FRMD5: variants seen among roughly 807,000 people sequenced by gnomAD.
FRMD5 encodes the protein FERM domain containing 5.
Under a neutral mutation model 69.0 loss-of-function variants are expected in FRMD5, and 20 were observed. The observed-to-expected ratio is 0.29, with a 90% confidence interval of 0.20 to 0.42. The LOEUF (loss-of-function observed/expected upper bound fraction) is 0.42. Among genes scored for constraint, FRMD5 ranks in the 10% least tolerant of loss-of-function variants. The pLI, the probability that FRMD5 is intolerant of heterozygous loss-of-function variation, is 1.00. For synonymous variants in FRMD5, 271 were observed against 260.1 expected (o/e 1.04, Z -0.40); for missense variants, 595 against 708.6 (o/e 0.84, Z 1.82).
chr15:43,991,155 G>C (rs537810534), intron 1 of FRMD5, among the ~76,000 whole-genome samples: 1 of 152,178 alleles, frequency 6.6e-6, no homozygotes, highest in African/African-American at 2.4e-5. Context: ...AAGATGCTGT[G>C]ATTTTTATCA....
chr15:43,935,623 G>C (rs934438049), intron 1 of FRMD5, among the ~76,000 whole-genome samples: 1 of 152,156 alleles, frequency 6.6e-6, no homozygotes, highest in Non-Finnish European at 1.5e-5. Context: ...GTGATAGAGA[G>C]AGCAAACAGA....
intron 1 of FRMD5, among the ~76,000 whole-genome samples, chr15:44,114,948 A>G (rs1279308329): frequency 6.6e-6 from 1 of 152,200 alleles, no homozygotes; most frequent in Non-Finnish European, 1.5e-5. Flanking sequence ...ATGTGGACCC[A>G]AAGTTGTTAA....
At chr15:43,957,574 C>G (rs2090134868) in intron 1 of FRMD5, among the ~76,000 whole-genome samples, 1 of 152,232 alleles carries the variant, frequency 6.6e-6, no homozygotes, top group South Asian at 2.1e-4. Flanking sequence ...AATTTCTAAT[C>G]TTTGGTTCTC....
intron 4 of FRMD5, 41 bp from the exon 5 acceptor site, chr15:43,910,020 G>A: frequency 8.6e-7 from 1 of 1,169,566 alleles, no homozygotes; most frequent in Non-Finnish European, 1.3e-6. Context: ...GGATTTCTTT[G>A]ATTGCTTTAA....
At chr15:44,142,470 A>G (rs2077288214) in intron 1 of FRMD5, among the ~76,000 whole-genome samples, 1 of 152,186 alleles carries the variant, frequency 6.6e-6, no homozygotes, top group Non-Finnish European at 1.5e-5. Flanking sequence ...GTAAATTCTG[A>G]AAAATTAGCA....
intron 1 of FRMD5, among the ~76,000 whole-genome samples, chr15:44,086,575 C>A (rs980344816): frequency 2.0e-5 from 3 of 152,122 alleles, no homozygotes; most frequent in Admixed American, 6.6e-5. Context: ...ATAGGAGTGA[C>A]TGCTAAGTGG....
intron 1 of FRMD5, among the ~76,000 whole-genome samples, chr15:44,156,125 T>C (rs946399970): frequency 3.3e-5 from 5 of 151,880 alleles, no homozygotes; most frequent in African/African-American, 1.2e-4. Flanking sequence ...ACTTGCCCAA[T>C]AGTGAAAAAT....
At chr15:43,897,265 A>T (rs2088932329) in intron 7 of FRMD5, among the ~76,000 whole-genome samples, 1 of 152,030 alleles carries the variant, frequency 6.6e-6, no homozygotes, top group South Asian at 2.1e-4. Flanking sequence ...AGGCGGGCAG[A>T]TCACCTGAGG....
At chr15:44,164,925 G>C (rs1271813437) in intron 1 of FRMD5, among the ~76,000 whole-genome samples, 1 of 152,220 alleles carries the variant, frequency 6.6e-6, no homozygotes, top group Non-Finnish European at 1.5e-5. Flanking sequence ...AGTAGAGCAA[G>C]CTGGAGCATC....
intron 1 of FRMD5, among the ~76,000 whole-genome samples, chr15:44,104,463 C>T (rs1269795623): frequency 6.6e-6 from 1 of 152,212 alleles, no homozygotes; most frequent in Non-Finnish European, 1.5e-5. Flanking sequence ...ATTCACCACT[C>T]ACTCACTGAT....
intron 1 of FRMD5, among the ~76,000 whole-genome samples, chr15:44,114,356 C>T (rs2076840351): frequency 1.3e-5 from 2 of 152,186 alleles, no homozygotes; most frequent in South Asian, 4.1e-4. Context: ...AAATCTCCTT[C>T]AAAACTACTG....
At chr15:44,143,745 G>A (rs1297461730) in intron 1 of FRMD5, among the ~76,000 whole-genome samples, 3 of 151,216 alleles carry the variant, frequency 2.0e-5, no homozygotes, top group Non-Finnish European at 4.4e-5. Flanking sequence ...CTAACGCGGT[G>A]AAACCCCGTC....
chr15:44,045,014 C>T (rs752571373), intron 1 of FRMD5, among the ~76,000 whole-genome samples: 1 of 152,204 alleles, frequency 6.6e-6, no homozygotes, highest in Non-Finnish European at 1.5e-5. Context: ...TATACATCCT[C>T]TGAGTTCCCC....
chr15:43,997,069 G>C (rs1230941920), intron 1 of FRMD5, among the ~76,000 whole-genome samples: 14 of 152,126 alleles, frequency 9.2e-5, no homozygotes, highest in Non-Finnish European at 5.9e-5. Flanking sequence ...CTCTAGTCAT[G>C]ATGAGAAGAA....
intron 1 of FRMD5, among the ~76,000 whole-genome samples, chr15:44,081,704 T>C (rs987569873): frequency 2.0e-5 from 3 of 152,084 alleles, no homozygotes; most frequent in African/African-American, 7.2e-5. Flanking sequence ...AATTCTGAAC[T>C]GACATTTTGT....
chr15:44,055,104 C>G (rs1595675749), intron 1 of FRMD5, among the ~76,000 whole-genome samples: 2 of 151,272 alleles, frequency 1.3e-5, no homozygotes, highest in East Asian at 3.9e-4. Context: ...GGAGCTGTTT[C>G]CTAAGATTGC....
intron 1 of FRMD5, among the ~76,000 whole-genome samples, chr15:44,096,773 A>T (rs1203798685): frequency 6.6e-6 from 1 of 152,024 alleles, no homozygotes; most frequent in Non-Finnish European, 1.5e-5. Flanking sequence ...GCAGTCCTTG[A>T]CCCAGCCCAT....
At chr15:44,164,931 G>A (rs891806712) in intron 1 of FRMD5, among the ~76,000 whole-genome samples, 1 of 152,246 alleles carries the variant, frequency 6.6e-6, no homozygotes, top group African/African-American at 2.4e-5. Context: ...GCAAGCTGGA[G>A]CATCCAGATA....
intron 1 of FRMD5, among the ~76,000 whole-genome samples, chr15:44,033,648 G>T (rs893412908): frequency 2.0e-5 from 3 of 152,098 alleles, no homozygotes; most frequent in Non-Finnish European, 4.4e-5. Flanking sequence ...TTTCGAAAAT[G>T]GTTTTAGTTC....
Sources: allele counts gnomAD v4.1 joint callset (sites outside exome capture counted in the v4.1 genomes callset), GRCh38; gene constraint gnomAD v4.1.1; transcripts MANE v1.5; gene names NCBI Gene and HGNC (gene_info 2026-07-23, HGNC 2026-07-21).